Variants in EXOC6B observed in about 807,000 individuals in gnomAD.
The protein encoded by EXOC6B is SEC15 homolog B.
A neutral mutation model predicts 113.5 loss-of-function variants in EXOC6B; 54 were observed. The observed-to-expected ratio is 0.48, with a 90% confidence interval of 0.38 to 0.60. The LOEUF is 0.60. Among genes scored for constraint, EXOC6B ranks in the 20% least tolerant of loss-of-function variants. EXOC6B has a pLI of 0.00. For missense variants in EXOC6B, 797 were observed against 977.5 expected, an observed-to-expected ratio of 0.82 and a Z score of 2.46; for synonymous variants, 357 against 339.0, an observed-to-expected ratio of 1.05 and a Z score of -0.58.
chr2:72,734,115 C>A (rs187076512), intron 2 of EXOC6B, among the ~76,000 whole-genome samples: 1 of 152,254 alleles, frequency 6.6e-6, no homozygotes, highest in Non-Finnish European at 1.5e-5. Flanking sequence ...TAACGTAATA[C>A]CCTTTAACTG....
intron 20 of EXOC6B, among the ~76,000 whole-genome samples, chr2:72,211,048 T>C (rs1375413586): frequency 6.6e-6 from 1 of 152,020 alleles, no homozygotes; most frequent in Non-Finnish European, 1.5e-5. Context: ...CCAGCTGGGG[T>C]TGATTCAGGA....
intron 1 of EXOC6B, among the ~76,000 whole-genome samples, chr2:72,781,583 G>A (rs563386581): frequency 1.3e-5 from 2 of 152,276 alleles, no homozygotes; most frequent in South Asian, 4.1e-4. Flanking sequence ...AAATGAGTAT[G>A]GCTATGTTTC....
rs752929339 is a variant in EXOC6B at position 72,825,767 on chromosome 2, C to T, written c.113+31G>A. 1 of 1,604,920 alleles carries T rather than the reference C, an allele frequency of 6.2e-7. No homozygotes were observed. Among genetic ancestry groups the T allele is most frequent in the East Asian group, 2.2e-5 (1 of 44,726 alleles). On this transcript the variant is annotated intron_variant, in intron 1 of 21. Transcript: ENST00000272427. The surrounding 1 kb of genome is among the most constrained non-coding windows in gnomAD (Gnocchi z 4.4). ...GAGCCTGCCCCGTCCCGCCCGTTCC[C>T]GCCCCTCTGTGGTCCCGGCACCCGG...
chr2:72,412,220 TCAA>T (rs1199478336), intron 18 of EXOC6B, among the ~76,000 whole-genome samples: 1 of 152,054 alleles, frequency 6.6e-6, no homozygotes. Context: ...AAGACTGACA[TCAA>T]CAACAAGAGG....
At chr2:72,515,867 G>T (rs1257710459) in intron 8 of EXOC6B, 14 of 375,176 alleles carry the variant, frequency 3.7e-5, no homozygotes, top group Non-Finnish European at 4.8e-5. Context: ...ATCAGTGGAG[G>T]GTGGGACCTT....
At chr2:72,244,095 A>G (rs972887386) in intron 20 of EXOC6B, among the ~76,000 whole-genome samples, 32 of 152,338 alleles carry the variant, frequency 2.1e-4, no homozygotes, top group African/African-American at 7.7e-4. Context: ...AAAGCAGAAT[A>G]TACATTCTTC....
intron 6 of EXOC6B, among the ~76,000 whole-genome samples, chr2:72,716,630 T>C (rs1257466598): frequency 6.6e-6 from 1 of 152,142 alleles, no homozygotes; most frequent in African/African-American, 2.4e-5. Context: ...AGTACCATAG[T>C]AGACAAATTC....
chr2:72,397,580 A>G (rs1247588917), intron 18 of EXOC6B, among the ~76,000 whole-genome samples: 1 of 149,022 alleles, frequency 6.7e-6, no homozygotes, highest in South Asian at 2.1e-4. Flanking sequence ...AGATCACGCC[A>G]CTGCACTCCA....
At chr2:72,640,398 C>A (rs897051264) in intron 6 of EXOC6B, among the ~76,000 whole-genome samples, 10 of 152,096 alleles carry the variant, frequency 6.6e-5, no homozygotes, top group African/African-American at 2.4e-4. Context: ...TCTTTGGTGT[C>A]CTGAAAGAGA....
At chr2:72,656,412 C>T (rs775712349) in intron 6 of EXOC6B, among the ~76,000 whole-genome samples, 14 of 151,760 alleles carry the variant, frequency 9.2e-5, no homozygotes, top group South Asian at 8.3e-4. Context: ...AGAAAGACTT[C>T]AAACAGAAAA....
intron 18 of EXOC6B, chr2:72,461,746 T>A (rs991074697): frequency 6.6e-6 from 1 of 152,046 alleles, no homozygotes. Flanking sequence ...TTTAAGGGGT[T>A]TCTGAGGCAT....
intron 6 of EXOC6B, among the ~76,000 whole-genome samples, chr2:72,619,064 T>A (rs1230712562): frequency 6.6e-6 from 1 of 152,160 alleles, no homozygotes; most frequent in Non-Finnish European, 1.5e-5. Context: ...AGAAAAGCTG[T>A]TGAACAACAG....
intron 1 of EXOC6B, among the ~76,000 whole-genome samples, chr2:72,787,297 C>T (rs1279697560): frequency 3.3e-5 from 5 of 151,854 alleles, no homozygotes; most frequent in Non-Finnish European, 4.4e-5. Flanking sequence ...CTGCAACCTC[C>T]GCCTCCTGGG....
At chr2:72,643,195 G>T (rs1435470570) in intron 6 of EXOC6B, among the ~76,000 whole-genome samples, 2 of 152,090 alleles carry the variant, frequency 1.3e-5, no homozygotes, top group Non-Finnish European at 2.9e-5. Flanking sequence ...CATTGTGGAA[G>T]TCAGTGTGGT....
intron 7 of EXOC6B, among the ~76,000 whole-genome samples, chr2:72,571,104 T>C (rs548582439): frequency 6.6e-6 from 1 of 152,286 alleles, no homozygotes; most frequent in South Asian, 2.1e-4. Context: ...TCCTGATGAG[T>C]CTAGATCCAT....
At chr2:72,496,281 G>A (rs376262302) in intron 14 of EXOC6B, among the ~76,000 whole-genome samples, 173 bp downstream of exon 14, 8 of 152,024 alleles carry the variant, frequency 5.3e-5, no homozygotes, top group African/African-American at 1.2e-4. Flanking sequence ...ATCCTTCATC[G>A]TCAGAAAGGT....
At chr2:72,366,804 AC>A (rs959317329) in intron 19 of EXOC6B, among the ~76,000 whole-genome samples, 2 of 151,998 alleles carry the variant, frequency 1.3e-5, no homozygotes, top group African/African-American at 4.8e-5. Flanking sequence ...GAAAAAAAAA[AC>A]CCTATTAACC....
chr2:72,819,880 A>C (rs1297600127), intron 1 of EXOC6B, among the ~76,000 whole-genome samples: 1 of 152,230 alleles, frequency 6.6e-6, no homozygotes, highest in African/African-American at 2.4e-5. Flanking sequence ...ATCACTTTTT[A>C]GATGAGAAAA....
At position 72,334,934 on chromosome 2, in the gene EXOC6B, C is replaced by T; in HGVS notation, c.2196+13G>A. ...TTAAAAGAAAAACAAAAAACAAAAA[C>T]ACAAAGACTTACTTGTCTCAAGTCG... On this transcript the variant is annotated intron_variant, in intron 20 of 21. Coordinates refer to ENST00000272427, the MANE Select transcript of EXOC6B (RefSeq NM_015189.3). 6.2e-7 allele frequency: 1 copy of T among 1,612,698 alleles called. No homozygotes were observed. The highest frequency in any genetic ancestry group is 1.1e-5 in the South Asian group (1 of 91,048).
Sources: gnomAD v4.1 joint callset for allele counts (sites outside exome capture counted in the v4.1 genomes callset) on GRCh38, gnomAD v4.1.1 for gene constraint, Gnocchi (gnomAD v3.1) non-coding constraint, MANE v1.5 for transcripts, NCBI Gene and HGNC (gene_info 2026-07-23, HGNC 2026-07-21) for gene names.